The following SCRG1 variants were observed in gnomAD, a reference collection of about 807,000 sequenced individuals.
SCRG1 encodes stimulator of chondrogenesis 1, also known as scrapie-responsive protein 1.
A neutral mutation model predicts 7.7 loss-of-function variants in SCRG1; 3 were observed. The ratio of observed to expected loss-of-function variants is 0.39; its 90% CI spans 0.18 to 1.01. The LOEUF is 1.01. Among genes scored for constraint, SCRG1 ranks in the 50% least tolerant of loss-of-function variants. The probability of loss-of-function intolerance (pLI) is 0.36; values close to 1 mark genes in which losing one functional copy is unlikely to be tolerated. For synonymous variants in SCRG1, 46 were observed against 41.2 expected, an observed-to-expected ratio of 1.12 and a Z score of -0.44; for missense variants, 110 against 117.2, an observed-to-expected ratio of 0.94 and a Z score of 0.28.
At chr4:173,402,409 G>T (rs1037383296), upstream of SCRG1, among the ~76,000 whole-genome samples, 1 of 151,080 alleles carries the variant, frequency 6.6e-6, no homozygotes, top group African/African-American at 2.4e-5. Flanking sequence ...TACATTCAAA[G>T]TACTGAAATT....
the SCRG1 span, among the ~76,000 whole-genome samples, chr4:173,512,483 C>G: frequency 6.6e-6 from 1 of 152,246 alleles, no homozygotes; most frequent in Non-Finnish European, 1.5e-5. Flanking sequence ...TCCCCTGGCA[C>G]TCAAGTGCAC....
the SCRG1 span, among the ~76,000 whole-genome samples, chr4:173,464,039 G>A: frequency 6.6e-6 from 1 of 152,172 alleles, no homozygotes; most frequent in East Asian, 1.9e-4. Flanking sequence ...GGTCAAGTAA[G>A]TTGACCAGTG....
At chr4:173,444,604 C>A in the SCRG1 span, among the ~76,000 whole-genome samples, 1 of 152,218 alleles carries the variant, frequency 6.6e-6, no homozygotes, top group African/African-American at 2.4e-5. Context: ...TTCTGCTGGT[C>A]ATACTATTTC....
upstream of SCRG1, among the ~76,000 whole-genome samples, chr4:173,409,860 A>T (rs141347341): frequency 0.012 from 1,842 of 152,186 alleles, 41 homozygotes; most frequent in African/African-American, 0.039. Context: ...AAGTTCTGGG[A>T]TTACAGGTGT....
chr4:173,484,216 T>C, the SCRG1 span, among the ~76,000 whole-genome samples: 465 of 91,588 alleles, frequency 5.1e-3, 7 homozygotes, highest in African/African-American at 0.02. Context: ...ATATTTTCTA[T>C]ATTATATATA....
chr4:173,413,525 A>T, the SCRG1 span, among the ~76,000 whole-genome samples: 1 of 152,212 alleles, frequency 6.6e-6, no homozygotes, highest in African/African-American at 2.4e-5. Context: ...AGAGGAGCTA[A>T]TAAGAACCAA....
At chr4:173,391,745 T>G (rs771412242) in intron 1 of SCRG1, among the ~76,000 whole-genome samples, 4 of 152,156 alleles carry the variant, frequency 2.6e-5, no homozygotes. Context: ...CTAAGCAACA[T>G]AGTAAGACCC....
At chr4:173,455,790 G>A in the SCRG1 span, among the ~76,000 whole-genome samples, 4 of 151,988 alleles carry the variant, frequency 2.6e-5, no homozygotes, top group Non-Finnish European at 5.9e-5. Context: ...TATTTTTCAA[G>A]TGTACAGAGG....
chr4:173,496,197 G>A, the SCRG1 span, among the ~76,000 whole-genome samples: 2 of 152,162 alleles, frequency 1.3e-5, no homozygotes, highest in African/African-American at 4.8e-5. Flanking sequence ...ATGATCCAAT[G>A]TCATTTGCAT....
chr4:173,433,263 C>G, the SCRG1 span, among the ~76,000 whole-genome samples: 1 of 152,104 alleles, frequency 6.6e-6, no homozygotes, highest in African/African-American at 2.4e-5. Context: ...AATAATTAAA[C>G]AAAATAAAGC....
chr4:173,464,690 C>T, the SCRG1 span, among the ~76,000 whole-genome samples: 1 of 152,108 alleles, frequency 6.6e-6, no homozygotes, highest in Non-Finnish European at 1.5e-5. Context: ...GGCAGTTTCT[C>T]AAAAAGTTAA....
the SCRG1 span, among the ~76,000 whole-genome samples, chr4:173,429,394 G>C: frequency 1.5e-3 from 235 of 152,240 alleles, no homozygotes; most frequent in African/African-American, 5.5e-3. Flanking sequence ...TTGGGCTCAA[G>C]CAATCCTCTC....
chr4:173,433,187 T>C, the SCRG1 span, among the ~76,000 whole-genome samples: 455 of 152,336 alleles, frequency 3.0e-3, no homozygotes, highest in African/African-American at 0.01. Flanking sequence ...TAGAACAGTT[T>C]GCATGTTCTG....
the SCRG1 span, among the ~76,000 whole-genome samples, chr4:173,505,321 T>C: frequency 1.7e-4 from 26 of 152,076 alleles, no homozygotes; most frequent in Non-Finnish European, 3.2e-4. The surrounding 1 kb of genome is among the most constrained non-coding windows in gnomAD (Gnocchi z 4.4). Context: ...CAGTGCCCTG[T>C]AGAGCTGATG....
chr4:173,468,620 G>T, the SCRG1 span: 11 of 152,308 alleles, frequency 7.2e-5, no homozygotes, highest in East Asian at 2.1e-3. Flanking sequence ...TTCTCACAAG[G>T]AGGAGAGTGA....
the SCRG1 span, among the ~76,000 whole-genome samples, chr4:173,506,649 C>T: frequency 6.6e-6 from 1 of 152,190 alleles, no homozygotes; most frequent in South Asian, 2.1e-4. The surrounding 1 kb of genome is among the most constrained non-coding windows in gnomAD (Gnocchi z 5.3). Context: ...TTCTCTTTTC[C>T]TGATAGCAGA....
the SCRG1 span, among the ~76,000 whole-genome samples, chr4:173,472,749 G>A: frequency 2.6e-5 from 4 of 152,146 alleles, no homozygotes; most frequent in African/African-American, 9.7e-5. Flanking sequence ...ACATTAGGCA[G>A]GGAAATCTTT....
the SCRG1 span, among the ~76,000 whole-genome samples, chr4:173,517,968 C>T: frequency 6.6e-6 from 1 of 152,272 alleles, no homozygotes; most frequent in African/African-American, 2.4e-5. Flanking sequence ...TAGCTCCTCT[C>T]TCTGCTCCCC....
the SCRG1 span, among the ~76,000 whole-genome samples, chr4:173,431,844 C>T: frequency 8.0e-4 from 122 of 152,340 alleles, 1 homozygote; most frequent in South Asian, 0.011. Context: ...GTAGGTAATA[C>T]ATCACCATGC....
Sources: gnomAD v4.1 joint callset for allele counts (sites outside exome capture counted in the v4.1 genomes callset) on GRCh38, gnomAD v4.1.1 for gene constraint, Gnocchi (gnomAD v3.1) non-coding constraint, MANE v1.5 for transcripts, NCBI Gene and HGNC (gene_info 2026-07-23, HGNC 2026-07-21) for gene names.